The following SLC9D1 variants were observed in gnomAD, a reference collection of about 807,000 sequenced individuals.
SLC9D1 encodes the protein solute carrier family 9 member D1, also known as putative LAG1-interacting protein.
At chr13:113,530,049 G>A in the SLC9D1 span, 1 of 152,188 alleles carries the variant, frequency 6.6e-6, no homozygotes, top group South Asian at 2.1e-4. Context: ...CCATAATATA[G>A]AATGAACATT....
the SLC9D1 span, among the ~76,000 whole-genome samples, chr13:113,518,979 T>C: frequency 1.3e-5 from 2 of 152,206 alleles, no homozygotes; most frequent in Admixed American, 1.3e-4. Flanking sequence ...TGTGTGGTTC[T>C]GCTGTTTTTT....
chr13:113,503,335 C>T, the SLC9D1 span, among the ~76,000 whole-genome samples: 59,414 of 149,132 alleles, frequency 0.4, 12,854 homozygotes, highest in African/African-American at 0.59. Context: ...AATCGAAGTA[C>T]ACTGTGTGAT....
At chr13:113,528,738 T>C in the SLC9D1 span, 1 of 147,120 alleles carries the variant, frequency 6.8e-6, no homozygotes, top group Non-Finnish European at 1.5e-5. Context: ...AGGGTCCTTA[T>C]GATAAGAGGG....
At chr13:113,534,789 C>CA in the SLC9D1 span, 7 of 148,648 alleles carry the variant, frequency 4.7e-5, no homozygotes, top group South Asian at 2.2e-4. Context: ...GACCCCATAT[C>CA]AAAAAAAAAC....
the SLC9D1 span, chr13:113,549,806 G>A: frequency 1.7e-4 from 101 of 592,432 alleles, no homozygotes; most frequent in Admixed American, 1.5e-3. Flanking sequence ...GTGGTGCCTG[G>A]ATGTGCCTTT....
chr13:113,498,877 C>G, the SLC9D1 span, among the ~76,000 whole-genome samples: 1 of 143,730 alleles, frequency 7.0e-6, no homozygotes, highest in Non-Finnish European at 1.5e-5. Context: ...AATCCAGACC[C>G]CAAGAGAGAG....
At chr13:113,493,185 T>C in the SLC9D1 span, among the ~76,000 whole-genome samples, 1 of 152,248 alleles carries the variant, frequency 6.6e-6, no homozygotes, top group African/African-American at 2.4e-5. Flanking sequence ...ATAAAAATTA[T>C]AGCTCCCTTA....
chr13:113,503,345 T>TTGTGTGTGTG, the SLC9D1 span: 95 of 476,290 alleles, frequency 2.0e-4, no homozygotes, highest in African/African-American at 4.8e-4. Flanking sequence ...CACTGTGTGA[T>TTGTGTGTGTG]TGTGTGTGTG....
the SLC9D1 span, among the ~76,000 whole-genome samples, chr13:113,525,559 C>A: frequency 1.3e-5 from 2 of 152,202 alleles, no homozygotes; most frequent in Admixed American, 1.3e-4. Flanking sequence ...CCATCATCAT[C>A]ATAGGAGACG....
the SLC9D1 span, among the ~76,000 whole-genome samples, chr13:113,541,399 C>T: frequency 6.8e-6 from 1 of 147,778 alleles, no homozygotes; most frequent in Non-Finnish European, 1.5e-5. Context: ...ATGATACGCA[C>T]ACGATCGCTG....
the SLC9D1 span, among the ~76,000 whole-genome samples, chr13:113,507,648 G>T: frequency 6.6e-6 from 1 of 152,212 alleles, no homozygotes. Flanking sequence ...GACTTCAACT[G>T]TTCCTTAAAC....
chr13:113,501,614 A>G, the SLC9D1 span: 163 of 645,728 alleles, frequency 2.5e-4, no homozygotes, highest in East Asian at 3.2e-3. Flanking sequence ...CATGAGGAAA[A>G]TCGGTGGTTT....
the SLC9D1 span, chr13:113,528,751 C>T: frequency 6.6e-6 from 1 of 151,270 alleles, no homozygotes; most frequent in Non-Finnish European, 1.5e-5. Flanking sequence ...TAAGAGGGTC[C>T]TTATCATGGC....
At chr13:113,524,006 T>G in the SLC9D1 span, 5 of 415,646 alleles carry the variant, frequency 1.2e-5, no homozygotes, top group African/African-American at 6.2e-5. Flanking sequence ...CTTCTACATT[T>G]GTTGAGGTTT....
the SLC9D1 span, among the ~76,000 whole-genome samples, chr13:113,520,117 T>G: frequency 2.0e-5 from 3 of 152,252 alleles, no homozygotes; most frequent in African/African-American, 7.2e-5. Context: ...GGTGTTCTGA[T>G]GATTTGCTCT....
chr13:113,501,986 G>A, the SLC9D1 span: 198 of 893,618 alleles, frequency 2.2e-4, 2 homozygotes, highest in East Asian at 4.4e-3. Context: ...TACCAGCTTC[G>A]TATAAACCAT....
the SLC9D1 span, among the ~76,000 whole-genome samples, chr13:113,524,294 G>C: frequency 6.6e-6 from 1 of 152,090 alleles, no homozygotes; most frequent in South Asian, 2.1e-4. Context: ...ACACATTTAG[G>C]ATCATTTTGT....
the SLC9D1 span, among the ~76,000 whole-genome samples, chr13:113,492,254 A>G: frequency 2.6e-5 from 4 of 152,262 alleles, no homozygotes; most frequent in African/African-American, 9.6e-5. Flanking sequence ...GGGAATACAG[A>G]TAATTGTGTC....
the SLC9D1 span, among the ~76,000 whole-genome samples, chr13:113,540,593 G>C: frequency 2.0e-5 from 3 of 152,186 alleles, no homozygotes; most frequent in Non-Finnish European, 4.4e-5. Context: ...GCTGCTTTTT[G>C]CTTGCAGATT....
Sources: allele counts gnomAD v4.1 joint callset (sites outside exome capture counted in the v4.1 genomes callset), GRCh38; gene constraint gnomAD v4.1.1; transcripts MANE v1.5; gene names NCBI Gene and HGNC (gene_info 2026-07-23, HGNC 2026-07-21).